RAB11FIP4: variants seen among roughly 807,000 people sequenced by gnomAD.
RAB11FIP4 encodes the protein rab11 family-interacting protein 4.
A neutral mutation model predicts 74.3 loss-of-function variants in RAB11FIP4; 23 were observed. That is an observed-to-expected ratio of 0.31 (90% CI 0.22 to 0.44). The LOEUF is 0.44. RAB11FIP4 is among the 20% of genes least tolerant of loss of function. The probability of loss-of-function intolerance (pLI) is 1.00; values close to 1 mark genes in which losing one functional copy is unlikely to be tolerated. For missense variants in RAB11FIP4, 630 were observed against 863.9 expected (o/e 0.73, Z 3.39); for synonymous variants, 360 against 359.9 (o/e 1.00, Z 0.00).
Position 31,476,279 on chromosome 17 carries a change from G to A in RAB11FIP4, c.337-41372G>A, listed in dbSNP as rs7224095. Among the ~76,000 whole-genome samples the A allele has an allele frequency of 7.9e-3, 1,140 of 145,120 alleles. 21 individuals are homozygous for A. The highest frequency in any genetic ancestry group is 0.028 in the African/African-American group (1,101 of 39,062). The stretch of plus-strand genomic sequence containing the variant: ...GGCTCACTGCAATGTCTGCCTCCTG[G>A]GTTCAAGTGATTCTCCTGCCTCAGC... On this transcript the variant is annotated intron_variant, in intron 3 of 14. Transcript: ENST00000621161.
rs111605159 is a variant in RAB11FIP4, at chr17:31,537,815, C to T, written c.*6083C>T. On this transcript the variant is annotated 3_prime_UTR_variant, in exon 15 of 15. Coordinates refer to ENST00000621161, the MANE Select transcript of RAB11FIP4 (RefSeq NM_032932.6). ...TTAAATACCAACTGATGTCACGGAG[C>T]GGACGGTGCATTGCCAAGGACTCAC... 0.023 allele frequency: 3,513 copies of T among 152,882 alleles called. 65 individuals carry two copies. The highest frequency in any genetic ancestry group is 0.032 in the Non-Finnish European group (2,199 of 68,112). The allele number at this position is 152,882 out of a possible 1,614,324, so 9.5% of individuals were successfully genotyped here.
At chr17:31,496,795 C>T (rs775009366) in intron 3 of RAB11FIP4, among the ~76,000 whole-genome samples, 3 of 152,210 alleles carry the variant, frequency 2.0e-5, no homozygotes, top group African/African-American at 4.8e-5. Context: ...AACTGCCATT[C>T]CTGTGGCTGC....
intron 1 of RAB11FIP4, among the ~76,000 whole-genome samples, chr17:31,405,227 C>T (rs762801837): frequency 2.0e-4 from 30 of 152,094 alleles, no homozygotes; most frequent in Non-Finnish European, 4.0e-4. Context: ...GGTCTGGAGG[C>T]GTTCACATGG....
At chr17:31,407,188 G>C (rs2071051504) in intron 1 of RAB11FIP4, among the ~76,000 whole-genome samples, 1 of 151,468 alleles carries the variant, frequency 6.6e-6, no homozygotes, top group African/African-American at 2.4e-5. Flanking sequence ...GGGACTAACA[G>C]GTGTGTGCCA....
At chr17:31,445,579 T>TG (rs71142054) in intron 3 of RAB11FIP4, among the ~76,000 whole-genome samples, 2 of 8,408 alleles carry the variant, frequency 2.4e-4, no homozygotes, top group African/African-American at 6.8e-4. Context: ...TATATATATA[T>TG]TTTTTTTTTT....
chr17:31,450,989 A>G (rs1164237997), intron 3 of RAB11FIP4, among the ~76,000 whole-genome samples: 4 of 151,876 alleles, frequency 2.6e-5, no homozygotes, highest in African/African-American at 9.7e-5. Context: ...CATCCAACCC[A>G]TCATCACAGC....
chr17:31,475,408 G>A (rs575750261), intron 3 of RAB11FIP4, among the ~76,000 whole-genome samples: 2 of 152,332 alleles, frequency 1.3e-5, no homozygotes, highest in East Asian at 1.9e-4. Context: ...CTGTCAAGAC[G>A]TGGTAGGTTC....
intron 8 of RAB11FIP4, 140 bp from the exon 9 acceptor site, chr17:31,523,752 TC>T: frequency 1.0e-6 from 1 of 1,002,754 alleles, no homozygotes; most frequent in Non-Finnish European, 1.6e-6. Context: ...GGTCACGTGT[TC>T]CCCACTCCCC....
At chr17:31,493,363 C>T (rs541987996) in intron 3 of RAB11FIP4, among the ~76,000 whole-genome samples, 48 of 152,114 alleles carry the variant, frequency 3.2e-4, no homozygotes, top group Admixed American at 2.5e-3. Flanking sequence ...GGAGAGTGGG[C>T]GGGCTCTCTC....
intron 3 of RAB11FIP4, among the ~76,000 whole-genome samples, chr17:31,511,220 C>G (rs1162591025): frequency 6.6e-6 from 1 of 152,146 alleles, no homozygotes. Flanking sequence ...GAGCAGGGCT[C>G]TGGCCTGGCC....
intron 3 of RAB11FIP4, among the ~76,000 whole-genome samples, chr17:31,463,328 CT>C (rs2071650584): frequency 6.6e-6 from 1 of 152,188 alleles, no homozygotes; most frequent in African/African-American, 2.4e-5. Context: ...TGGTAATCCC[CT>C]GCTACAGGTG....
chr17:31,517,774 T>C lies in RAB11FIP4; in HGVS notation c.460T>C (p.Tyr154His), dbSNP rs1305073270. 6 of 1,565,096 alleles carry C rather than the reference T, an allele frequency of 3.8e-6. No individual in the cohort carries two copies. The highest frequency in any genetic ancestry group is 5.2e-6 in the Non-Finnish European group (6 of 1,154,262). Residue 154 changes from tyrosine (Y) to histidine (H), a missense_variant, in exon 4 of 15, where the codon TAC (tyrosine) becomes CAC (histidine). Transcript: ENST00000621161. Reference protein sequence around the residue: ...LAPPEGPQELYTDSPMESTQS... With the variant: ...LAPPEGPQELHTDSPMESTQS... The stretch of plus-strand genomic sequence containing the variant: ...GCCACCTGAGGGCCCCCAGGAGTTG[T>C]ACACAGACAGCCCCATGGAGAGCAC...
chr17:31,480,666 T>G lies in RAB11FIP4; in HGVS notation c.337-36985T>G, dbSNP rs547401033. 3.6e-4 allele frequency among the ~76,000 whole-genome samples: 54 copies of G among 151,916 alleles called. 2 individuals carry two copies. In the Middle Eastern group the frequency reaches 0.024, roughly 67 times the overall value. On this transcript the variant is annotated intron_variant, in intron 3 of 14. Transcript: ENST00000621161. Reference sequence around the variant, plus strand: ...AGCTGGGTGTGGTGGCACGTGCCTGTGATCCCAGCTACTCGGGAGGCTGAG... The same window carrying G: ...AGCTGGGTGTGGTGGCACGTGCCTGGGATCCCAGCTACTCGGGAGGCTGAG...
intron 3 of RAB11FIP4, among the ~76,000 whole-genome samples, chr17:31,493,469 C>T (rs777748283): frequency 5.9e-5 from 9 of 151,908 alleles, no homozygotes; most frequent in Non-Finnish European, 7.4e-5. Context: ...GCTGCTGCTC[C>T]GGTGAACTTG....
rs1394009586 is a variant in RAB11FIP4, at chr17:31,522,380, G to A, written c.914G>A (p.Ser305Asn). 6.2e-7 allele frequency: 1 copy of A among 1,613,988 alleles called. No homozygotes were observed. The highest frequency in any genetic ancestry group is 8.5e-7 in the Non-Finnish European group (1 of 1,179,934). The change falls in exon 7 of 15, where the codon AGC (serine) becomes AAC (asparagine). Residue 305 changes from serine (S) to asparagine (N), a missense_variant. By Grantham distance (46) the Ser-to-Asn change is conservative. Coordinates refer to ENST00000621161, the MANE Select transcript of RAB11FIP4 (RefSeq NM_032932.6). The stretch of plus-strand genomic sequence containing the variant: ...TCTAGCCCCAACCGAAAGATCTCCA[G>A]CACGGCCTTTGGACGGTAAGGCCCG... ...KANSPNRKIS[S>N]TAFGRQLMHS...
At chr17:31,510,443 C>T (rs906266603) in intron 3 of RAB11FIP4, among the ~76,000 whole-genome samples, 1 of 152,246 alleles carries the variant, frequency 6.6e-6, no homozygotes, top group African/African-American at 2.4e-5. Context: ...GGCATGTGCC[C>T]GCCCAAGCTA....
At chr17:31,472,563 G>A (rs892930841) in intron 3 of RAB11FIP4, among the ~76,000 whole-genome samples, 2 of 152,194 alleles carry the variant, frequency 1.3e-5, no homozygotes, top group African/African-American at 4.8e-5. Context: ...AAAGAATTGC[G>A]GTCTGAGGGG....
intron 3 of RAB11FIP4, among the ~76,000 whole-genome samples, chr17:31,481,580 G>T (rs563621237): frequency 6.6e-5 from 10 of 152,122 alleles, no homozygotes; most frequent in African/African-American, 2.4e-4. Context: ...TTGCTGTCTG[G>T]GTAACTCTGA....
intron 3 of RAB11FIP4, among the ~76,000 whole-genome samples, chr17:31,434,725 G>A (rs371297148): frequency 9.8e-5 from 15 of 152,324 alleles, no homozygotes; most frequent in South Asian, 6.2e-4. Flanking sequence ...TACTTACGAT[G>A]ATCAGTGTAT....
Sources: gnomAD v4.1 joint callset for allele counts (sites outside exome capture counted in the v4.1 genomes callset) on GRCh38, gnomAD v4.1.1 for gene constraint, MANE v1.5 for transcripts, NCBI Gene and HGNC (gene_info 2026-07-23, HGNC 2026-07-21) for gene names.